SMYD5: variants seen among roughly 807,000 people sequenced by gnomAD.
SMYD5 encodes the protein SMYD family member 5, also known as protein-lysine N-trimethyltransferase SMYD5.
In SMYD5, 35 loss-of-function variants were observed where a neutral mutation model predicts 57.4. That is an observed-to-expected ratio of 0.61 (90% confidence interval 0.47 to 0.81). SMYD5 has a LOEUF of 0.81. Ranked by LOEUF, SMYD5 falls within the 30% of genes least tolerant of loss-of-function variation. SMYD5 has a pLI of 0.00. For missense variants in SMYD5, 471 were observed against 527.9 expected (o/e 0.89, Z 1.06); for synonymous variants, 198 against 189.7 (o/e 1.04, Z -0.36).
Position 73,226,114 on chromosome 2 carries a change from C to T in SMYD5, c.*168C>T. ...AGCCTGGATCTCTGGCCCCAACCCC[C>T]ACCAGACCTCATGCCCTGGACACTG... On this transcript the variant is annotated 3_prime_UTR_variant, in exon 13 of 13. Transcript: ENST00000389501. The T allele has an allele frequency of 6.7e-6, 6 of 897,784 alleles. No individual in the cohort carries two copies. The highest frequency in any genetic ancestry group is 1.7e-5 in the African/African-American group (1 of 59,460). The allele number at this position is 897,784 out of a possible 1,614,324, so 55.6% of individuals were successfully genotyped here.
Position 73,225,826 on chromosome 2 carries a change from C to T in SMYD5, c.1137C>T (p.Pro379=), listed in dbSNP as rs762650653. The T allele has an allele frequency of 4.3e-6, 7 of 1,614,142 alleles. No homozygotes were observed. In the South Asian group the frequency reaches 7.7e-5, roughly 18 times the overall value. Residue 379 remains proline (P), a synonymous_variant, in exon 13 of 13, where the codon CCC becomes CCT. Transcript: ENST00000389501. ...RENYLFVCSC[P]KCLAEADEPN... The stretch of plus-strand genomic sequence containing the variant: ...ACTATCTATTTGTCTGTTCCTGTCC[C>T]AAATGCCTGGCAGAGGCTGATGAAC...
chr2:73,216,288 C>T (rs1686292040), intron 1 of SMYD5, among the ~76,000 whole-genome samples: 2 of 152,286 alleles, frequency 1.3e-5, no homozygotes, highest in South Asian at 4.1e-4. Flanking sequence ...GGCATGGTGG[C>T]TCATTCCTTT....
chr2:73,224,753 C>T (rs750743521), intron 10 of SMYD5, 113 bp from the exon 11 acceptor site: 21 of 793,916 alleles, frequency 2.6e-5, no homozygotes, highest in Non-Finnish European at 3.9e-5. Flanking sequence ...GGTTCCAAAA[C>T]GTGCTCAGCC....
chr2:73,214,425 C>T, intron 1 of SMYD5, 63 bp downstream of exon 1: 2 of 1,609,092 alleles, frequency 1.2e-6, no homozygotes, highest in Admixed American at 3.3e-5. Flanking sequence ...ACAGCCCGGC[C>T]GGACTCCATG....
Position 73,223,046 on chromosome 2 carries a change from C to T in SMYD5, c.716C>T (p.Pro239Leu). 6.2e-7 allele frequency: 1 copy of T among 1,614,096 alleles called. No homozygotes were observed. Among genetic ancestry groups the T allele is most frequent in the Non-Finnish European group, 8.5e-7 (1 of 1,179,926 alleles). Residue 239 changes from proline to leucine, a missense_variant, in exon 8 of 13, where the codon CCA becomes CTA. Transcript: ENST00000389501. Reference protein sequence around the residue: ...YEEAVSQWFTPDGFRSLFALV... With the variant: ...YEEAVSQWFTLDGFRSLFALV... ...TTTTTCCCCCCACAGTGGTTCACTC[C>T]AGATGGATTCCGGTCTCTCTTTGCT...
At chr2:73,216,865 G>A (rs1021775010) in intron 1 of SMYD5, among the ~76,000 whole-genome samples, 10 of 151,956 alleles carry the variant, frequency 6.6e-5, no homozygotes, top group East Asian at 3.9e-4. Flanking sequence ...CACCATACCC[G>A]GCCTGCACGA....
At chr2:73,223,383 G>T (rs778647234) in intron 8 of SMYD5, 43 bp from the exon 9 acceptor site, 1 of 1,363,966 alleles carries the variant, frequency 7.3e-7, no homozygotes, top group African/African-American at 1.4e-5. Flanking sequence ...CCTGTGACCT[G>T]GGCTTCTGCC....
chr2:73,218,374 G>GGAAGAAGGCACATTCTCCCCC (rs1686326900), intron 1 of SMYD5, among the ~76,000 whole-genome samples: 1 of 152,188 alleles, frequency 6.6e-6, no homozygotes, highest in African/African-American at 2.4e-5. Context: ...AGCTGACCAA[G>GGAAGAAGGCACATTCTCCCCC]GAAGAAGGCA....
At chr2:73,216,541 A>G (rs1686295779) in intron 1 of SMYD5, among the ~76,000 whole-genome samples, 1 of 152,140 alleles carries the variant, frequency 6.6e-6, no homozygotes, top group African/African-American at 2.4e-5. Flanking sequence ...TACTAAAAAT[A>G]CAAAAATTAG....
rs201198262 is a variant in SMYD5, at chr2:73,223,031, C to A, written c.706-5C>A. ...TGAGCACTCATCTCTTTTTTCCCCCCACAGTGGTTCACTCCAGATGGATTC... is the reference window on the plus strand; with the variant it reads ...TGAGCACTCATCTCTTTTTTCCCCCAACAGTGGTTCACTCCAGATGGATTC... On this transcript the variant is annotated splice_region_variant and splice_polypyrimidine_tract_variant and intron_variant, in intron 7 of 12. Coordinates refer to ENST00000389501, the MANE Select transcript of SMYD5 (RefSeq NM_006062.3). 2.1e-5 allele frequency: 34 copies of A among 1,613,334 alleles called. No homozygotes were observed. The Admixed American group carries it at 2.3e-4, about 11-fold the overall frequency.
rs574315339 is a variant in SMYD5 at position 73,214,497 on chromosome 2, G to A, written c.96+135G>A. The A allele has an allele frequency of 9.5e-4, 1,411 of 1,492,954 alleles. 20 individuals are homozygous for A. The highest frequency in any genetic ancestry group is 1.2e-4 in the Non-Finnish European group (135 of 1,123,990). The allele number at this position is 1,492,954 out of a possible 1,614,324, so 92.5% of individuals were successfully genotyped here. A position where few individuals can be genotyped will look rare whatever the true frequency, so the allele number is the denominator to read the frequency against. ...ACGGCCCTGCCCCTGCTCGCGGCCC[G>A]GGGGCTCCCAGTCTGTCCCTGCGCG... On this transcript the variant is annotated intron_variant, in intron 1 of 12. Transcript: ENST00000389501.
intron 3 of SMYD5, 67 bp downstream of exon 3, chr2:73,220,257 T>C (rs929776437): frequency 1.9e-6 from 3 of 1,567,750 alleles, no homozygotes; most frequent in Non-Finnish European, 2.6e-6. Flanking sequence ...GAGTCCTCAG[T>C]GGGGAGACAG....
chr2:73,221,432 C>CTT (rs57627686), intron 5 of SMYD5, among the ~76,000 whole-genome samples, 198 bp downstream of exon 5: 21 of 128,478 alleles, frequency 1.6e-4, no homozygotes, highest in African/African-American at 4.0e-4. Flanking sequence ...TGCCTGTAGT[C>CTT]TTTTTTTTTT....
chr2:73,214,867 CG>C, intron 1 of SMYD5: 1 of 1,246,726 alleles, frequency 8.0e-7, no homozygotes, highest in South Asian at 1.3e-5. Context: ...AGGAAGGTGA[CG>C]TGATTTTGTC....
intron 1 of SMYD5, chr2:73,214,867 C>T (rs1437710874): frequency 1.6e-6 from 2 of 1,246,722 alleles, no homozygotes; most frequent in Non-Finnish European, 1.0e-6. Context: ...AGGAAGGTGA[C>T]GTGATTTTGT....
In SMYD5 at chr2:73,223,947, C is replaced by A; in HGVS notation, c.884C>A (p.Ala295Glu). 6.2e-7 allele frequency: 1 copy of A among 1,613,796 alleles called. No homozygotes were observed. ...ATGTGTGTGTATTACTGTCTTACAG[C>A]AACTGGAGAGTTTCTTAACTGTGAA... ...IDQLYKDIEA[A>E]TGEFLNCEGS... The change falls in exon 10 of 13, where the codon GCA (alanine) becomes GAA (glutamate). Residue 295 changes from alanine to glutamate, a missense_variant and splice_region_variant. Ala to Glu is a moderately radical substitution (Grantham distance 107). Transcript: ENST00000389501.
At chr2:73,225,383 T>G (rs1686480364) in intron 11 of SMYD5, 1 of 580,216 alleles carries the variant, frequency 1.7e-6, no homozygotes, top group Non-Finnish European at 3.1e-6. Context: ...GGCCATTGAC[T>G]GGCTTTCACC....
intron 1 of SMYD5, chr2:73,214,694 G>C: frequency 7.2e-7 from 1 of 1,396,874 alleles, no homozygotes; most frequent in African/African-American, 1.4e-5. Flanking sequence ...GTGCCGGGCA[G>C]AGAGAACTGA....
chr2:73,214,437 C>T, intron 1 of SMYD5, 75 bp downstream of exon 1: 5 of 1,606,456 alleles, frequency 3.1e-6, no homozygotes, highest in African/African-American at 1.3e-5. Context: ...GACTCCATGC[C>T]CGGAGCCCAG....
Sources: gnomAD v4.1 joint callset for allele counts (sites outside exome capture counted in the v4.1 genomes callset) on GRCh38, gnomAD v4.1.1 for gene constraint, MANE v1.5 for transcripts, NCBI Gene and HGNC (gene_info 2026-07-23, HGNC 2026-07-21) for gene names.